The following CDK8 variants were observed in gnomAD, a reference collection of about 807,000 sequenced individuals.
The protein encoded by CDK8 is cyclin dependent kinase 8, also known as cyclin-dependent kinase 8.
In CDK8, 29 loss-of-function variants were observed where a neutral mutation model predicts 71.5. That is an observed-to-expected ratio of 0.41 (90% CI 0.30 to 0.55). CDK8 has a LOEUF of 0.55. Ranked by LOEUF, CDK8 falls within the 20% of genes least tolerant of loss-of-function variation. The probability of loss-of-function intolerance (pLI) is 0.37; values close to 1 mark genes in which losing one functional copy is unlikely to be tolerated. For synonymous variants in CDK8, 161 were observed against 192.1 expected, an observed-to-expected ratio of 0.84 and a Z score of 1.34; for missense variants, 288 against 572.6, an observed-to-expected ratio of 0.50 and a Z score of 5.07.
chr13:26,380,024 G>T (rs961467618), intron 4 of CDK8, among the ~76,000 whole-genome samples: 7 of 152,178 alleles, frequency 4.6e-5, no homozygotes, highest in Admixed American at 4.6e-4. Flanking sequence ...AAAGAATGGC[G>T]AAAACATGAA....
intron 6 of CDK8, among the ~76,000 whole-genome samples, chr13:26,389,854 C>A (rs1047191193): frequency 4.1e-4 from 62 of 151,908 alleles, no homozygotes; most frequent in African/African-American, 1.4e-3. Flanking sequence ...AAAAATTAGC[C>A]AGGCATGGTG....
intron 1 of CDK8, chr13:26,324,815 C>A: frequency 2.2e-6 from 2 of 889,166 alleles, no homozygotes; most frequent in Non-Finnish European, 2.7e-6. Context: ...TTAAGAAAGA[C>A]TGATTGGTAA....
intron 1 of CDK8, among the ~76,000 whole-genome samples, chr13:26,315,108 C>T (rs1874448868): frequency 1.3e-5 from 2 of 152,064 alleles, no homozygotes; most frequent in South Asian, 4.1e-4. Flanking sequence ...TATTTCTCTG[C>T]TTTTCTATAG....
chr13:26,303,426 A>G (rs1873906181), intron 1 of CDK8, among the ~76,000 whole-genome samples: 1 of 151,910 alleles, frequency 6.6e-6, no homozygotes, highest in Admixed American at 6.6e-5. Flanking sequence ...TCTGTCTCCC[A>G]AGTAGCTGGG....
intron 1 of CDK8, among the ~76,000 whole-genome samples, chr13:26,329,472 TTTTTTTTTTTG>T (rs1340438320): frequency 1.3e-3 from 171 of 127,942 alleles, no homozygotes; most frequent in African/African-American, 2.5e-3. Flanking sequence ...TATTTCTGTT[TTTTTTTTTTTG>T]TTTTTTTTTT....
chr13:26,362,261 TGGATG>T (rs1874183330), intron 4 of CDK8, among the ~76,000 whole-genome samples: 1 of 151,662 alleles, frequency 6.6e-6, no homozygotes, highest in African/African-American at 2.4e-5. Flanking sequence ...GATGGATGGA[TGGATG>T]GATAGATAGA....
Position 26,400,440 on chromosome 13 carries a change from T to C in CDK8, c.934-13T>C. The C allele has an allele frequency of 6.6e-7, 1 of 1,526,310 alleles. No homozygotes were observed. Among genetic ancestry groups the C allele is most frequent in the Middle Eastern group, 1.7e-4 (1 of 5,908 alleles). 94.5% of individuals were successfully genotyped at this position (1,526,310 alleles called of 1,614,324 possible). On this transcript the variant is annotated splice_polypyrimidine_tract_variant and intron_variant, in intron 9 of 12. Transcript: ENST00000381527. ...AAGCAATACCGTCATGTTTGTATGA[T>C]TTGTGATTTCAGCTTCAGAAGCTGC...
intron 2 of CDK8, among the ~76,000 whole-genome samples, chr13:26,342,022 G>A (rs1434411177): frequency 1.3e-5 from 2 of 152,098 alleles, no homozygotes; most frequent in Non-Finnish European, 2.9e-5. Context: ...CCGTGTTCAA[G>A]CGATTCTTCT....
chr13:26,311,101 A>G (rs992932053), intron 1 of CDK8, among the ~76,000 whole-genome samples: 2 of 148,650 alleles, frequency 1.3e-5, no homozygotes, highest in African/African-American at 5.0e-5. Context: ...GATTTTTAAC[A>G]TGTATAACAA....
intron 1 of CDK8, among the ~76,000 whole-genome samples, chr13:26,275,028 T>G (rs1872510287): frequency 6.6e-6 from 1 of 152,196 alleles, no homozygotes; most frequent in African/African-American, 2.4e-5. Flanking sequence ...CTACTCCTTT[T>G]AATGCTGTTG....
intron 2 of CDK8, among the ~76,000 whole-genome samples, chr13:26,344,683 T>C (rs1873386538): frequency 6.6e-6 from 1 of 151,334 alleles, no homozygotes; most frequent in Non-Finnish European, 1.5e-5. Flanking sequence ...ATCTGGGAGA[T>C]GGAGGTTGCA....
In CDK8 at chr13:26,306,683, C is replaced by T. The variant is rs140268008; in HGVS notation, c.129-30884C>T. On this transcript the variant is annotated intron_variant, in intron 1 of 12. Coordinates refer to ENST00000381527, the MANE Select transcript of CDK8 (RefSeq NM_001260.3). ...TCATTCTGTCGCCCAGGCTGGAGTG[C>T]AGTGGCATTATCTCAGCTTACTGTA... Among the ~76,000 whole-genome samples, 678 of 145,472 alleles carry T rather than the reference C, an allele frequency of 4.7e-3. 6 individuals are homozygous for T. Among genetic ancestry groups the T allele is most frequent in the African/African-American group, 0.016 (633 of 38,632 alleles).
intron 1 of CDK8, among the ~76,000 whole-genome samples, chr13:26,299,714 C>T (rs1297835303): frequency 2.6e-5 from 4 of 152,140 alleles, no homozygotes; most frequent in Non-Finnish European, 5.9e-5. Flanking sequence ...CATCTGAAGA[C>T]ATGACCCATC....
chr13:26,268,350 C>T (rs1872136717), intron 1 of CDK8, among the ~76,000 whole-genome samples: 1 of 151,390 alleles, frequency 6.6e-6, no homozygotes, highest in Non-Finnish European at 1.5e-5. Flanking sequence ...AGGTCTTGTT[C>T]TGTCACCCAG....
At chr13:26,296,557 G>T (rs1873571009) in intron 1 of CDK8, among the ~76,000 whole-genome samples, 1 of 152,178 alleles carries the variant, frequency 6.6e-6, no homozygotes, top group Non-Finnish European at 1.5e-5. Flanking sequence ...GTGATATCAG[G>T]TACTGTCCTG....
intron 1 of CDK8, among the ~76,000 whole-genome samples, chr13:26,290,894 A>T (rs1452138213): frequency 6.6e-6 from 1 of 152,088 alleles, no homozygotes; most frequent in Non-Finnish European, 1.5e-5. Context: ...AGGCAGGTGG[A>T]TCATGAGGTC....
intron 1 of CDK8, among the ~76,000 whole-genome samples, chr13:26,302,437 C>A (rs907831141): frequency 6.6e-6 from 1 of 152,066 alleles, no homozygotes; most frequent in Non-Finnish European, 1.5e-5. Context: ...TAAAAGTGTT[C>A]GCGATTCATT....
At chr13:26,393,339 T>C in intron 6 of CDK8, 28 bp from the exon 7 acceptor site, 2 of 1,386,286 alleles carry the variant, frequency 1.4e-6, no homozygotes, top group Non-Finnish European at 2.0e-6. Flanking sequence ...TATTTTTCTT[T>C]CTTTTTTTTT....
chr13:26,362,177 G>A (rs765014588), intron 4 of CDK8, among the ~76,000 whole-genome samples: 1 of 151,968 alleles, frequency 6.6e-6, no homozygotes, highest in Non-Finnish European at 1.5e-5. Context: ...GAGAAACAGA[G>A]TCAATAGGAT....
Sources: allele counts gnomAD v4.1 joint callset (sites outside exome capture counted in the v4.1 genomes callset), GRCh38; gene constraint gnomAD v4.1.1; transcripts MANE v1.5; gene names NCBI Gene and HGNC (gene_info 2026-07-23, HGNC 2026-07-21).